XPA: variants seen among roughly 807,000 people sequenced by gnomAD.
XPA encodes DNA repair protein complementing XP-A cells.
A neutral mutation model predicts 35.7 loss-of-function variants in XPA; 27 were observed. That is an observed-to-expected ratio of 0.76 (90% confidence interval 0.56 to 1.04). The LOEUF (loss-of-function observed/expected upper bound fraction) is 1.04, where lower values mean the gene tolerates loss of function less well. Ranked by LOEUF, XPA falls within the 50% of genes least tolerant of loss-of-function variation. The pLI is 0.00. For missense variants in XPA, 354 were observed against 342.7 expected, an observed-to-expected ratio of 1.03 and a Z score of -0.26; for synonymous variants, 133 against 118.4, an observed-to-expected ratio of 1.12 and a Z score of -0.80.
At chr9:97,692,305 AG>A (rs1232430315) in intron 2 of XPA, among the ~76,000 whole-genome samples, 28 of 152,228 alleles carry the variant, frequency 1.8e-4, no homozygotes, top group South Asian at 1.0e-3. Flanking sequence ...GAAAAAAAAA[AG>A]AAAAGGGGAA....
intron 1 of XPA, among the ~76,000 whole-genome samples, 175 bp downstream of exon 1, chr9:97,696,946 C>T (rs1829062471): frequency 6.6e-6 from 1 of 152,200 alleles, no homozygotes; most frequent in Non-Finnish European, 1.5e-5. Flanking sequence ...GTGGACAGGA[C>T]GCTTTGACAA....
At chr9:97,667,401 TTACCA>T in the XPA span, among the ~76,000 whole-genome samples, 4 of 152,158 alleles carry the variant, frequency 2.6e-5, no homozygotes, top group African/African-American at 9.7e-5. Flanking sequence ...TTATGCATAT[TTACCA>T]TAGTAGAAGG....
Position 97,693,709 on chromosome 9 carries a change from A to G in XPA, c.223T>C (p.Phe75Leu), listed in dbSNP as rs1364642460. Reference sequence around the variant, plus strand: ...TCTTCTTCTTCCTCTTCTAAAATGAAGCCTCCTCCTGTGTCAATTATCTTT... The same window carrying G: ...TCTTCTTCTTCCTCTTCTAAAATGAGGCCTCCTCCTGTGTCAATTATCTTT... The part of the protein sequence containing the change: ...APKIIDTGGG[F>L]ILEEEEEEEQ... The change falls in exon 2 of 6, where the codon TTC becomes CTC. Residue 75 changes from phenylalanine (F) to leucine (L), a missense_variant. Coordinates refer to ENST00000375128, the MANE Select transcript of XPA (RefSeq NM_000380.4). The G allele has an allele frequency of 1.9e-6, 3 of 1,613,506 alleles. No homozygotes were observed. In the South Asian group the frequency reaches 3.3e-5, roughly 18 times the overall value.
intron 5 of XPA, chr9:97,682,196 T>C (rs1434002108): frequency 4.3e-6 from 2 of 468,582 alleles, no homozygotes; most frequent in Non-Finnish European, 8.5e-6. Flanking sequence ...ATATAATCTC[T>C]TACCTTCCCA....
chr9:97,674,471 G>T (rs1587734903), downstream of XPA, among the ~76,000 whole-genome samples: 1 of 151,986 alleles, frequency 6.6e-6, no homozygotes, highest in Non-Finnish European at 1.5e-5. Flanking sequence ...TTGTACAGTA[G>T]GATAAAATGT....
chr9:97,687,060 CA>C lies in XPA; in HGVS notation c.555+35del, dbSNP rs777798151. 4.4e-5 allele frequency: 69 copies of C among 1,580,716 alleles called. No individual in the cohort carries two copies. In the African/African-American group the frequency reaches 6.8e-4, roughly 16 times the overall value. ...GACTAGTTTGTTATTAAGAATTTAC[CA>C]GAGTGAAAAATAATAAATACAACTT... On this transcript the variant is annotated intron_variant, in intron 4 of 5. Coordinates refer to ENST00000375128, the MANE Select transcript of XPA (RefSeq NM_000380.4).
At chr9:97,693,308 C>G (rs922600959) in intron 2 of XPA, among the ~76,000 whole-genome samples, 3 of 152,144 alleles carry the variant, frequency 2.0e-5, no homozygotes, top group Non-Finnish European at 2.9e-5. Context: ...TAAATGTTAT[C>G]TCTTGGATTC....
chr9:97,662,919 T>TA, the XPA span: 1 of 1,442,020 alleles, frequency 6.9e-7, no homozygotes, highest in African/African-American at 1.4e-5. Flanking sequence ...AATGAATAAG[T>TA]ATATATGGTA....
At chr9:97,662,727 G>A in the XPA span, among the ~76,000 whole-genome samples, 3 of 152,174 alleles carry the variant, frequency 2.0e-5, no homozygotes, top group African/African-American at 4.8e-5. Flanking sequence ...TTAAACTGTA[G>A]CCCTGGGCTA....
At chr9:97,665,226 T>C in the XPA span, among the ~76,000 whole-genome samples, 5 of 152,386 alleles carry the variant, frequency 3.3e-5, no homozygotes, top group East Asian at 9.6e-4. Context: ...ACCGGCCAGG[T>C]TGGCCTTCAT....
At chr9:97,656,038 A>G in the XPA span, 1 of 1,614,122 alleles carries the variant, frequency 6.2e-7, no homozygotes, top group East Asian at 2.2e-5. Context: ...AAGATCCTGA[A>G]AGTCCCAAAC....
chr9:97,654,700 A>G, the XPA span, among the ~76,000 whole-genome samples: 1 of 152,234 alleles, frequency 6.6e-6, no homozygotes, highest in East Asian at 1.9e-4. Flanking sequence ...GGTCAGATTC[A>G]TTATACATCA....
At chr9:97,671,410 ATATAT>A (rs1340823210), downstream of XPA, 51 of 489,554 alleles carry the variant, frequency 1.0e-4, no homozygotes, top group Non-Finnish European at 1.7e-4. Flanking sequence ...TATGACCATG[ATATAT>A]TATATATGTG....
intron 5 of XPA, among the ~76,000 whole-genome samples, chr9:97,684,681 A>G (rs1314263885): frequency 6.6e-6 from 1 of 152,140 alleles, no homozygotes; most frequent in African/African-American, 2.4e-5. Flanking sequence ...CATTGTTCCT[A>G]TATAAAAACA....
the XPA span, among the ~76,000 whole-genome samples, chr9:97,668,599 G>A: frequency 6.6e-6 from 1 of 152,002 alleles, no homozygotes; most frequent in South Asian, 2.1e-4. Flanking sequence ...TTGTTACCAA[G>A]ACAAGTGCCA....
the XPA span, among the ~76,000 whole-genome samples, chr9:97,658,307 T>G: frequency 1.3e-5 from 2 of 152,222 alleles, no homozygotes; most frequent in Admixed American, 6.5e-5. Flanking sequence ...TTGGCTTCCA[T>G]TATCCTCAAT....
chr9:97,657,124 G>A, the XPA span, among the ~76,000 whole-genome samples: 43 of 152,208 alleles, frequency 2.8e-4, no homozygotes, highest in African/African-American at 7.0e-4. Flanking sequence ...CCGCCACCAC[G>A]CCTGGCTAAT....
the XPA span, chr9:97,655,813 T>G: frequency 3.3e-6 from 5 of 1,499,616 alleles, no homozygotes; most frequent in Non-Finnish European, 4.6e-6. Flanking sequence ...AAACTACTAA[T>G]GTTTAAAACT....
the XPA span, chr9:97,658,608 G>T: frequency 1.3e-6 from 2 of 1,516,804 alleles, no homozygotes; most frequent in East Asian, 2.3e-5. Flanking sequence ...ACTGATAAAA[G>T]ATATTTTCTG....
Sources: gnomAD v4.1 joint callset for allele counts (sites outside exome capture counted in the v4.1 genomes callset) on GRCh38, gnomAD v4.1.1 for gene constraint, MANE v1.5 for transcripts, NCBI Gene and HGNC (gene_info 2026-07-23, HGNC 2026-07-21) for gene names.